Variants in TOMM20 observed in about 807,000 individuals in gnomAD.
TOMM20 encodes mitochondrial import receptor subunit TOM20 homolog.
In TOMM20, 10 loss-of-function variants were observed where a neutral mutation model predicts 22.1. The ratio of observed to expected loss-of-function variants is 0.45; its 90% CI spans 0.28 to 0.77. The LOEUF is 0.77. Among genes scored for constraint, TOMM20 ranks in the 30% least tolerant of loss-of-function variants. The pLI, the probability that TOMM20 is intolerant of heterozygous loss-of-function variation, is 0.13. For synonymous variants in TOMM20, 55 were observed against 61.4 expected, an observed-to-expected ratio of 0.90 and a Z score of 0.49; for missense variants, 121 against 172.2, an observed-to-expected ratio of 0.70 and a Z score of 1.66.
In TOMM20 at chr1:235,110,962, ACT is replaced by A. The variant is rs1199626465; in HGVS notation, c.*1100_*1101del. 4.6e-5 allele frequency: 7 copies of A among 152,292 alleles called. No individual in the cohort carries two copies. Among genetic ancestry groups the A allele is most frequent in the Admixed American group, 1.3e-4 (2 of 15,298 alleles). The allele number at this position is 152,292 out of a possible 1,614,324, so 9.4% of individuals were successfully genotyped here. A position where few individuals can be genotyped will look rare whatever the true frequency, so the allele number is the denominator to read the frequency against. ...GTTTTCAGTCACAAGGTTGCAACTT[ACT>A]CTCATCGTTTCACAAGATAATCAAG... On this transcript the variant is annotated 3_prime_UTR_variant, in exon 5 of 5. Coordinates refer to ENST00000366607, the MANE Select transcript of TOMM20 (RefSeq NM_014765.3).
intron 3 of TOMM20, among the ~76,000 whole-genome samples, chr1:235,117,514 C>G (rs1166498112): frequency 6.6e-6 from 1 of 151,144 alleles, no homozygotes; most frequent in Non-Finnish European, 1.5e-5. Context: ...TCAGATCAAT[C>G]TTACTAATTT....
At chr1:235,122,662 GATC>G (rs1277725481) in intron 1 of TOMM20, among the ~76,000 whole-genome samples, 1 of 152,194 alleles carries the variant, frequency 6.6e-6, no homozygotes, top group Non-Finnish European at 1.5e-5. Context: ...ACAATAAGCA[GATC>G]AAGTCCCCCC....
chr1:235,116,929 AT>A (rs1259519108), intron 3 of TOMM20, among the ~76,000 whole-genome samples: 1 of 149,562 alleles, frequency 6.7e-6, no homozygotes, highest in East Asian at 2.0e-4. Context: ...AGGTCAGGAG[AT>A]CGAGACCATC....
chr1:235,127,913 C>T (rs542263493), intron 1 of TOMM20: 5 of 519,040 alleles, frequency 9.6e-6, no homozygotes, highest in South Asian at 7.0e-5. Context: ...TAGAACGAAG[C>T]TACCAAGAGG....
intron 4 of TOMM20, among the ~76,000 whole-genome samples, chr1:235,112,509 T>C (rs1277636564): frequency 1.3e-5 from 2 of 150,452 alleles, no homozygotes; most frequent in African/African-American, 2.4e-5. Context: ...GCCCGGCTAA[T>C]TTTTTTTTTA....
intron 4 of TOMM20, among the ~76,000 whole-genome samples, chr1:235,113,310 C>T (rs116262320): frequency 0.011 from 1,730 of 152,298 alleles, 30 homozygotes; most frequent in African/African-American, 0.036. Flanking sequence ...TCAGCAGCAG[C>T]AGAGGCATGA....
chr1:235,119,741 C>CA, intron 3 of TOMM20, 77 bp downstream of exon 3: 1 of 972,122 alleles, frequency 1.0e-6, no homozygotes, highest in Non-Finnish European at 1.5e-6. Context: ...ATTACACAAA[C>CA]AAAGCCCCTT....
In TOMM20 at chr1:235,119,878, CAG is replaced by C; in HGVS notation, c.188_189del (p.Ala63GlyfsTer9). 6.2e-7 allele frequency: 1 copy of C among 1,611,684 alleles called. No individual in the cohort carries two copies. Among genetic ancestry groups the C allele is most frequent in the Non-Finnish European group, 8.5e-7 (1 of 1,178,442 alleles). ...GLSKLPDLKD[A>X]EAVQKFFLEE... ...TCAAGGAAGAACTTCTGAACAGCTT[CAG>C]CATCTTTAAGGTCAGGTAACTGGAA... On this transcript the variant is annotated frameshift_variant, in exon 3 of 5. Coordinates refer to ENST00000366607, the MANE Select transcript of TOMM20 (RefSeq NM_014765.3). LOFTEE classifies it high-confidence loss of function.
In TOMM20 at chr1:235,128,623, G is replaced by A; in HGVS notation, c.93C>T (p.Asp31=). 3 of 1,613,270 alleles carry A rather than the reference G, an allele frequency of 1.9e-6. No individual in the cohort carries two copies. Among genetic ancestry groups the A allele is most frequent in the Non-Finnish European group, 2.5e-6 (3 of 1,179,962 alleles). Residue 31 remains aspartate (D), a synonymous_variant, in exon 1 of 5, where the codon GAC becomes GAT. Transcript: ENST00000366607. ...CIYFDRKRRS[D]PNFKNRLRER... Reference sequence around the variant, plus strand: ...CTCGAAGCCTGTTCTTGAAGTTGGGGTCACTTCGTCTTTTGCGGTCGAAGT... The same window carrying A: ...CTCGAAGCCTGTTCTTGAAGTTGGGATCACTTCGTCTTTTGCGGTCGAAGT...
intron 4 of TOMM20, 56 bp downstream of exon 4, chr1:235,113,712 A>G (rs1660779868): frequency 6.5e-7 from 1 of 1,548,310 alleles, no homozygotes. Flanking sequence ...AAATGTCCCT[A>G]ATCATTCGAT....
chr1:235,117,166 G>C (rs1180326491), intron 3 of TOMM20, among the ~76,000 whole-genome samples: 2 of 92,236 alleles, frequency 2.2e-5, no homozygotes, highest in African/African-American at 8.6e-5. Flanking sequence ...AAAAAAAAAA[G>C]AGTAAGAATA....
intron 1 of TOMM20, 151 bp from the exon 2 acceptor site, chr1:235,122,523 G>A: frequency 1.6e-6 from 1 of 631,680 alleles, no homozygotes; most frequent in East Asian, 3.0e-5. Context: ...AAGAGCATAT[G>A]ACATGTTCTG....
At chr1:235,122,505 G>T in intron 1 of TOMM20, 133 bp from the exon 2 acceptor site, 1 of 763,840 alleles carries the variant, frequency 1.3e-6, no homozygotes, top group Non-Finnish European at 2.1e-6. Context: ...CCCTCCCTGT[G>T]ATCTGTCAAG....
intron 1 of TOMM20, among the ~76,000 whole-genome samples, chr1:235,127,448 A>G (rs753525123): frequency 3.3e-5 from 5 of 152,184 alleles, no homozygotes; most frequent in South Asian, 2.1e-4. Flanking sequence ...CTCCTAAAAC[A>G]TAAGAAAGCT....
At chr1:235,117,664 GTA>G (rs1030100415) in intron 3 of TOMM20, among the ~76,000 whole-genome samples, 8 of 152,088 alleles carry the variant, frequency 5.3e-5, no homozygotes, top group Non-Finnish European at 7.4e-5. Flanking sequence ...CTTAAATCTG[GTA>G]TATGTTTTCT....
intron 3 of TOMM20, 26 bp downstream of exon 3, chr1:235,119,792 T>C (rs767839029): frequency 1.3e-6 from 2 of 1,510,592 alleles, no homozygotes; most frequent in Non-Finnish European, 1.8e-6. Context: ...TTCTACCCAT[T>C]TCCTTAGCTT....
chr1:235,123,364 A>G (rs1660960444), intron 1 of TOMM20, among the ~76,000 whole-genome samples: 1 of 152,172 alleles, frequency 6.6e-6, no homozygotes. Context: ...GGGCGCCTGT[A>G]GTCCCAGCTA....
intron 1 of TOMM20, among the ~76,000 whole-genome samples, chr1:235,126,106 GATATAA>G (rs1484591359): frequency 6.6e-6 from 1 of 150,644 alleles, no homozygotes; most frequent in African/African-American, 2.5e-5. Flanking sequence ...GATAGATATA[GATATAA>G]ATATATATAA....
At chr1:235,120,943 T>A (rs1660921199) in intron 2 of TOMM20, among the ~76,000 whole-genome samples, 1 of 151,380 alleles carries the variant, frequency 6.6e-6, no homozygotes, top group Admixed American at 6.6e-5. Flanking sequence ...GGCTCATGCC[T>A]GTAATCCCAG....
Sources: gnomAD v4.1 joint callset for allele counts (sites outside exome capture counted in the v4.1 genomes callset) on GRCh38, gnomAD v4.1.1 for gene constraint, MANE v1.5 for transcripts, NCBI Gene and HGNC (gene_info 2026-07-23, HGNC 2026-07-21) for gene names.